The following BMAL2 variants were observed in gnomAD, a reference collection of about 807,000 sequenced individuals.
The protein encoded by BMAL2 is basic helix-loop-helix ARNT like 2.
chr12:27,396,565 A>G, the BMAL2 span, among the ~76,000 whole-genome samples: 369 of 152,326 alleles, frequency 2.4e-3, no homozygotes, highest in African/African-American at 8.3e-3. Context: ...GAGATTCTGG[A>G]TGATTTTTGC....
At chr12:27,358,929 T>G in the BMAL2 span, among the ~76,000 whole-genome samples, 18 of 145,418 alleles carry the variant, frequency 1.2e-4, no homozygotes, top group Non-Finnish European at 2.1e-4. Context: ...CATGGCATTG[T>G]TCTTGAATAG....
chr12:27,351,927 A>G, the BMAL2 span, among the ~76,000 whole-genome samples: 2 of 152,014 alleles, frequency 1.3e-5, no homozygotes, highest in South Asian at 2.1e-4. Context: ...ACAATATACC[A>G]TACAAAATTT....
the BMAL2 span, among the ~76,000 whole-genome samples, chr12:27,343,498 A>G: frequency 6.6e-6 from 1 of 152,102 alleles, no homozygotes; most frequent in African/African-American, 2.4e-5. Flanking sequence ...ATAATGGCCT[A>G]CATTGTGTCT....
the BMAL2 span, among the ~76,000 whole-genome samples, chr12:27,414,669 G>A: frequency 6.6e-6 from 1 of 152,184 alleles, no homozygotes; most frequent in East Asian, 1.9e-4. Flanking sequence ...TAAGAGGGAC[G>A]TTTATAGCAA....
chr12:27,409,282 G>A, the BMAL2 span, among the ~76,000 whole-genome samples: 1 of 152,166 alleles, frequency 6.6e-6, no homozygotes, highest in Admixed American at 6.5e-5. Flanking sequence ...AGCCCACATT[G>A]CCAAGTCAAT....
the BMAL2 span, chr12:27,380,165 GC>G: frequency 7.2e-7 from 1 of 1,393,300 alleles, no homozygotes. Context: ...GCTGGGCTCA[GC>G]ATCTGCTCCA....
the BMAL2 span, among the ~76,000 whole-genome samples, chr12:27,350,133 G>A: frequency 1.3e-5 from 2 of 152,214 alleles, no homozygotes; most frequent in African/African-American, 4.8e-5. Flanking sequence ...GACTTTAGCA[G>A]ACTATGAGGC....
the BMAL2 span, among the ~76,000 whole-genome samples, chr12:27,389,583 A>AG: frequency 5.3e-5 from 8 of 152,192 alleles, no homozygotes; most frequent in South Asian, 8.3e-4. Context: ...ACAAGAAAGT[A>AG]TCATTTGGAT....
the BMAL2 span, among the ~76,000 whole-genome samples, chr12:27,358,712 A>G: frequency 6.6e-6 from 1 of 152,100 alleles, no homozygotes; most frequent in African/African-American, 2.4e-5. Context: ...GTCTAATTTC[A>G]TTCTGTATTT....
chr12:27,360,750 G>A, the BMAL2 span, among the ~76,000 whole-genome samples: 2 of 119,524 alleles, frequency 1.7e-5, no homozygotes, highest in African/African-American at 6.4e-5. Flanking sequence ...GTGGTTTGCG[G>A]GAAATTTCTT....
chr12:27,368,561 G>A, the BMAL2 span: 13 of 1,043,862 alleles, frequency 1.2e-5, no homozygotes, highest in Admixed American at 2.7e-5. Flanking sequence ...TACCTTTGTC[G>A]GTGACTGACT....
At chr12:27,374,298 A>C in the BMAL2 span, among the ~76,000 whole-genome samples, 4 of 152,246 alleles carry the variant, frequency 2.6e-5, no homozygotes, top group African/African-American at 9.6e-5. Flanking sequence ...TGTATTGGAC[A>C]TATCCAAACT....
the BMAL2 span, chr12:27,401,281 G>T: frequency 6.2e-7 from 1 of 1,613,946 alleles, no homozygotes; most frequent in Admixed American, 1.7e-5. Context: ...TAGGATATCT[G>T]CCTCAGGAAC....
chr12:27,357,876 G>A, the BMAL2 span, among the ~76,000 whole-genome samples: 74 of 152,108 alleles, frequency 4.9e-4, no homozygotes, highest in South Asian at 0.015. Flanking sequence ...ATGGATCAAG[G>A]ACTTAAATCT....
chr12:27,367,381 A>G, the BMAL2 span, among the ~76,000 whole-genome samples: 1 of 152,206 alleles, frequency 6.6e-6, no homozygotes, highest in Non-Finnish European at 1.5e-5. Context: ...GGAATTTTCC[A>G]TTTAATATTT....
At chr12:27,408,236 A>T in the BMAL2 span, among the ~76,000 whole-genome samples, 1 of 152,086 alleles carries the variant, frequency 6.6e-6, no homozygotes, top group East Asian at 1.9e-4. Flanking sequence ...CTCCCTAACT[A>T]ATTTTATGAG....
the BMAL2 span, among the ~76,000 whole-genome samples, chr12:27,374,937 A>G: frequency 6.6e-6 from 1 of 152,206 alleles, no homozygotes; most frequent in South Asian, 2.1e-4. Context: ...GAAACTGTGA[A>G]GAGGAAAAGC....
the BMAL2 span, chr12:27,333,259 G>C: frequency 2.7e-6 from 2 of 741,950 alleles, no homozygotes; most frequent in South Asian, 6.8e-5. Flanking sequence ...AGGGGCGGTG[G>C]GACAAGGCCG....
chr12:27,333,576 C>T, the BMAL2 span, among the ~76,000 whole-genome samples: 1 of 152,254 alleles, frequency 6.6e-6, no homozygotes, highest in South Asian at 2.1e-4. Context: ...TTCCTGTGAA[C>T]CCCTCCCCTC....
Sources: gnomAD v4.1 joint callset for allele counts (sites outside exome capture counted in the v4.1 genomes callset) on GRCh38, gnomAD v4.1.1 for gene constraint, MANE v1.5 for transcripts, NCBI Gene and HGNC (gene_info 2026-07-23, HGNC 2026-07-21) for gene names.